The following ELMOD1 variants were observed in gnomAD, a reference collection of about 807,000 sequenced individuals.
The protein encoded by ELMOD1 is ELMO domain-containing protein 1.
In ELMOD1, 21 loss-of-function variants were observed where a neutral mutation model predicts 46.7. That is an observed-to-expected ratio of 0.45 (90% confidence interval 0.32 to 0.65). The LOEUF (loss-of-function observed/expected upper bound fraction) is 0.65, where lower values mean the gene tolerates loss of function less well. ELMOD1 is among the 30% of genes least tolerant of loss of function. The pLI, the probability that ELMOD1 is intolerant of heterozygous loss-of-function variation, is 0.04. For synonymous variants in ELMOD1, 122 were observed against 138.2 expected, an observed-to-expected ratio of 0.88 and a Z score of 0.82; for missense variants, 348 against 407.8, an observed-to-expected ratio of 0.85 and a Z score of 1.26.
chr11:107,623,094 T>G (rs900370905), intron 2 of ELMOD1, among the ~76,000 whole-genome samples: 1 of 152,156 alleles, frequency 6.6e-6, no homozygotes, highest in Non-Finnish European at 1.5e-5. Flanking sequence ...CATTTAACAT[T>G]AGGTATATCT....
At chr11:107,596,421 T>C (rs1865493542) in intron 1 of ELMOD1, among the ~76,000 whole-genome samples, 1 of 152,090 alleles carries the variant, frequency 6.6e-6, no homozygotes, top group African/African-American at 2.4e-5. Context: ...CATTTCTTAC[T>C]TTTTCCTTTA....
intron 6 of ELMOD1, 65 bp downstream of exon 6, chr11:107,635,830 T>A: frequency 6.6e-7 from 1 of 1,517,026 alleles, no homozygotes. Flanking sequence ...GCACCTGCTA[T>A]GTGCTAGGCG....
rs528087426 is a variant in ELMOD1 at position 107,647,695 on chromosome 11, C to G, written c.554+94C>G. ...GTTGAGTAATTAGCTTCAAAAGGTACTTCCCATAAGACTCAAAGAAAACAT... is the reference window on the plus strand; with the variant it reads ...GTTGAGTAATTAGCTTCAAAAGGTAGTTCCCATAAGACTCAAAGAAAACAT... On this transcript the variant is annotated intron_variant, in intron 7 of 11. Transcript: ENST00000265840. 1,536 of 1,337,860 alleles carry G rather than the reference C, an allele frequency of 1.1e-3. 27 individuals are homozygous for G. The South Asian group carries it at 0.025, about 22-fold the overall frequency. The allele number at this position is 1,337,860 out of a possible 1,614,324, so 82.9% of individuals were successfully genotyped here.
chr11:107,609,593 A>G (rs1865742515), intron 1 of ELMOD1, among the ~76,000 whole-genome samples: 1 of 152,212 alleles, frequency 6.6e-6, no homozygotes, highest in Non-Finnish European at 1.5e-5. Context: ...AAAGAGCCTC[A>G]GGGGGCTTCT....
intron 11 of ELMOD1, among the ~76,000 whole-genome samples, chr11:107,661,996 A>G (rs1340894430): frequency 6.6e-6 from 1 of 152,244 alleles, no homozygotes; most frequent in East Asian, 1.9e-4. Flanking sequence ...AAATCATGGC[A>G]TATGAGAAAT....
At chr11:107,621,271 G>A (rs1865943046) in intron 2 of ELMOD1, among the ~76,000 whole-genome samples, 2 of 152,172 alleles carry the variant, frequency 1.3e-5, no homozygotes, top group African/African-American at 4.8e-5. Flanking sequence ...AAAGAGGAAA[G>A]GAAAATATCT....
chr11:107,655,886 T>C (rs1180295813), intron 10 of ELMOD1, 47 bp from the exon 11 acceptor site: 5 of 1,572,766 alleles, frequency 3.2e-6, no homozygotes, highest in Non-Finnish European at 4.3e-6. Flanking sequence ...GAAATACTTA[T>C]TTCTTCTATG....
Position 107,630,714 on chromosome 11 carries a change from G to C in ELMOD1, c.178G>C (p.Asp60His), listed in dbSNP as rs754171634. ...RTMKIETSLR[D>H]SKSKLLQTSV... ...TGCTTTCACAGAAACATCACTGAGG[G>C]ATTCTAAAAGTAAGGTAAGTAAAAT... is the stretch of plus-strand genomic sequence containing the variant. Residue 60 changes from aspartate (D) to histidine (H), a missense_variant, in exon 4 of 12, where the codon GAT becomes CAT. Physicochemically the swap from Asp to His is moderately conservative, Grantham distance 81 (BLOSUM62 -1). Transcript: ENST00000265840. 10 of 1,606,704 alleles carry C rather than the reference G, an allele frequency of 6.2e-6. No homozygotes were observed. The highest frequency in any genetic ancestry group is 1.3e-5 in the African/African-American group (1 of 74,824).
chr11:107,605,446 C>T (rs949595128), intron 1 of ELMOD1, among the ~76,000 whole-genome samples: 5 of 152,158 alleles, frequency 3.3e-5, no homozygotes, highest in African/African-American at 7.2e-5. Context: ...AGTGATCCGC[C>T]CACCTCAGCC....
At chr11:107,594,097 G>C (rs947941220) in intron 1 of ELMOD1, among the ~76,000 whole-genome samples, 1 of 152,078 alleles carries the variant, frequency 6.6e-6, no homozygotes, top group Non-Finnish European at 1.5e-5. Flanking sequence ...TAAGTTCTGG[G>C]AGTTGCTGTG....
intron 5 of ELMOD1, among the ~76,000 whole-genome samples, chr11:107,632,593 C>A (rs2135690614): frequency 6.6e-6 from 1 of 152,242 alleles, no homozygotes; most frequent in Non-Finnish European, 1.5e-5. Flanking sequence ...TCATTAGCTG[C>A]CTTTTGCCTA....
At chr11:107,605,673 C>G (rs1340935120) in intron 1 of ELMOD1, among the ~76,000 whole-genome samples, 1 of 152,186 alleles carries the variant, frequency 6.6e-6, no homozygotes, top group Non-Finnish European at 1.5e-5. Context: ...ACCTCCCTTG[C>G]TATAAATCAT....
At chr11:107,631,776 C>T (rs934792557) in intron 5 of ELMOD1, 99 bp downstream of exon 5, 1 of 576,990 alleles carries the variant, frequency 1.7e-6, no homozygotes, top group South Asian at 3.7e-5. Context: ...CTCCCTCTCT[C>T]CCTAAAATAA....
At chr11:107,612,333 C>T (rs193152886) in intron 1 of ELMOD1, among the ~76,000 whole-genome samples, 1 of 152,118 alleles carries the variant, frequency 6.6e-6, no homozygotes, top group East Asian at 1.9e-4. Flanking sequence ...AAGATGGCAA[C>T]AATAGACACT....
intron 10 of ELMOD1, among the ~76,000 whole-genome samples, chr11:107,655,385 T>G (rs1407966520): frequency 6.6e-6 from 1 of 152,172 alleles, no homozygotes; most frequent in African/African-American, 2.4e-5. Context: ...TCGGATTTTT[T>G]TTCTGTCATA....
chr11:107,614,198 T>G (rs781741484), intron 1 of ELMOD1, among the ~76,000 whole-genome samples: 8 of 152,224 alleles, frequency 5.3e-5, no homozygotes, highest in Non-Finnish European at 1.0e-4. Flanking sequence ...TTCACACCTC[T>G]GTCTGTCCAT....
At chr11:107,598,650 A>G (rs1287400483) in intron 1 of ELMOD1, among the ~76,000 whole-genome samples, 1 of 152,184 alleles carries the variant, frequency 6.6e-6, no homozygotes, top group African/African-American at 2.4e-5. Context: ...GCCTGGGCCC[A>G]TGATCCAAAC....
intron 2 of ELMOD1, among the ~76,000 whole-genome samples, chr11:107,620,806 G>T (rs183920377): frequency 6.6e-6 from 1 of 152,344 alleles, no homozygotes; most frequent in East Asian, 1.9e-4. Context: ...AGAAGTTAAG[G>T]TGAGCCGAGA....
chr11:107,651,225 A>G (rs1418437101), intron 9 of ELMOD1, among the ~76,000 whole-genome samples: 1 of 152,166 alleles, frequency 6.6e-6, no homozygotes, highest in African/African-American at 2.4e-5. Flanking sequence ...AGAGAGGGGC[A>G]TTTTATTTGG....
Sources: gnomAD v4.1 joint callset for allele counts (sites outside exome capture counted in the v4.1 genomes callset) on GRCh38, gnomAD v4.1.1 for gene constraint, MANE v1.5 for transcripts, NCBI Gene and HGNC (gene_info 2026-07-23, HGNC 2026-07-21) for gene names.